Variants in COPA observed in about 807,000 individuals in gnomAD.
COPA encodes coat protein complex I subunit alpha, also known as coatomer subunit alpha.
A neutral mutation model predicts 158.7 loss-of-function variants in COPA; 10 were observed. That is an observed-to-expected ratio of 0.06 (90% CI 0.04 to 0.11). The LOEUF (loss-of-function observed/expected upper bound fraction) is 0.11. COPA is among the 10% of genes least tolerant of loss of function. The pLI is 1.00. For missense variants in COPA, 1,065 were observed against 1,536.7 expected, an observed-to-expected ratio of 0.69 and a Z score of 5.13; for synonymous variants, 462 against 542.8, an observed-to-expected ratio of 0.85 and a Z score of 2.07.
intron 13 of COPA, among the ~76,000 whole-genome samples, chr1:160,308,459 T>G (rs891781329): frequency 1.3e-5 from 2 of 152,186 alleles, no homozygotes; most frequent in African/African-American, 2.4e-5. Context: ...AGAGTGGGGA[T>G]CTGCAGAATA....
intron 6 of COPA, chr1:160,326,025 AC>A (rs1659479929): frequency 5.7e-6 from 1 of 175,054 alleles, no homozygotes; most frequent in Non-Finnish European, 1.2e-5. Flanking sequence ...CAAATGGTAA[AC>A]ATTCAATTTC....
rs193169385 is a variant in COPA at position 160,303,000 on chromosome 1, C to G, written c.1667+2433G>C. ...CCAGCCTGGCCAATATGGTGAAACC[C>G]CATCTCTACTCAAAATACAAGTATT... is the stretch of plus-strand genomic sequence containing the variant. On this transcript the variant is annotated intron_variant, in intron 17 of 32. Transcript: ENST00000241704. Among the ~76,000 whole-genome samples, 25 of 152,152 alleles carry G rather than the reference C, an allele frequency of 1.6e-4. 1 individual carries two copies. The East Asian group carries it at 4.5e-3, about 27-fold the overall frequency.
chr1:160,318,492 CAAAAAAAAAAAA>C (rs1184111001), intron 8 of COPA, among the ~76,000 whole-genome samples: 2 of 58,080 alleles, frequency 3.4e-5, no homozygotes, highest in Admixed American at 2.2e-4. Flanking sequence ...AAAAAAAAAA[CAAAAAAAAAAAA>C]AAAACACTAA....
rs1390435268 is a variant in COPA at position 160,332,515 on chromosome 1, G to T, written c.429C>A (p.Phe143Leu). The T allele has an allele frequency of 1.9e-6, 3 of 1,613,440 alleles. No individual in the cohort carries two copies. The highest frequency in any genetic ancestry group is 2.5e-6 in the Non-Finnish European group (3 of 1,179,886). ...ATACTACCAAGTCTTCTGTGGGGTG[G>T]AACTGAGCACACATCACATAATGGT... ...GHNHYVMCAQ[F>L]HPTEDLVVSA... Residue 143 changes from phenylalanine (F) to leucine (L), a missense_variant, in exon 6 of 33, where the codon TTC (phenylalanine) becomes TTA (leucine). Transcript: ENST00000241704.
chr1:160,290,869 C>A (rs1658207265), intron 31 of COPA, among the ~76,000 whole-genome samples, 183 bp from the exon 32 acceptor site: 1 of 152,238 alleles, frequency 6.6e-6, no homozygotes, highest in Non-Finnish European at 1.5e-5. Context: ...TTGTATCAAA[C>A]TTTCCCCTTC....
chr1:160,312,110 G>GT, intron 10 of COPA, 92 bp from the exon 11 acceptor site: 1 of 1,331,790 alleles, frequency 7.5e-7, no homozygotes, highest in Non-Finnish European at 1.0e-6. Flanking sequence ...GATTATATCT[G>GT]TAAGACAAGA....
chr1:160,340,077 C>T, intron 2 of COPA, 95 bp from the exon 3 acceptor site: 1 of 1,512,206 alleles, frequency 6.6e-7, no homozygotes, highest in Non-Finnish European at 9.2e-7. Flanking sequence ...CTATCATTTC[C>T]ACATTCTTTA....
At chr1:160,336,911 T>C (rs1159883360) in intron 3 of COPA, among the ~76,000 whole-genome samples, 1 of 120,750 alleles carries the variant, frequency 8.3e-6, no homozygotes, top group African/African-American at 2.6e-5. Flanking sequence ...TGCTCAACAC[T>C]ATACCCTTAC....
chr1:160,313,649 C>T (rs564369206), intron 9 of COPA, among the ~76,000 whole-genome samples: 5 of 152,140 alleles, frequency 3.3e-5, no homozygotes, highest in African/African-American at 1.2e-4. Context: ...CTCCTGACCT[C>T]GTGATCCACC....
chr1:160,296,728 T>C (rs151254151), intron 21 of COPA, among the ~76,000 whole-genome samples: 19 of 152,358 alleles, frequency 1.2e-4, no homozygotes, highest in Middle Eastern at 3.4e-3. Context: ...AGAGAACTAA[T>C]ATAGCTGCTT....
At chr1:160,320,485 T>C (rs1386762511) in intron 8 of COPA, among the ~76,000 whole-genome samples, 2 of 151,568 alleles carry the variant, frequency 1.3e-5, no homozygotes, top group Non-Finnish European at 2.9e-5. Flanking sequence ...TGGCACAGCC[T>C]GTAGTCCCAG....
intron 23 of COPA, among the ~76,000 whole-genome samples, chr1:160,295,282 C>T (rs763599763): frequency 1.2e-4 from 19 of 152,036 alleles, no homozygotes; most frequent in Admixed American, 7.2e-4. Flanking sequence ...CTCTTACTCA[C>T]GGGAAATGAA....
At chr1:160,310,795 G>C (rs746610012) in intron 11 of COPA, among the ~76,000 whole-genome samples, 10 of 152,138 alleles carry the variant, frequency 6.6e-5, no homozygotes, top group Non-Finnish European at 1.2e-4. Flanking sequence ...AGAGGTTATT[G>C]TATCTTCAGA....
Position 160,291,918 on chromosome 1 carries a change from G to C in COPA, c.3159C>G (p.Leu1053=), listed in dbSNP as rs2101820522. The change falls in exon 30 of 33, where the codon CTC becomes CTG. Residue 1053 remains leucine, a synonymous_variant. Coordinates refer to ENST00000241704, the MANE Select transcript of COPA (RefSeq NM_004371.4). ...CAATGTACTCACGGCAAATGGTGAT[G>C]AGCTGCTGGGCCTGTAGAGGGGGCA... ...NKQEIAEAQQ[L]ITICREYIVG... 6.2e-7 allele frequency: 1 copy of C among 1,614,172 alleles called. No homozygotes were observed. Among genetic ancestry groups the C allele is most frequent in the South Asian group, 1.1e-5 (1 of 91,080 alleles).
chr1:160,293,868 C>T (rs1343582197), intron 25 of COPA, among the ~76,000 whole-genome samples: 1 of 152,112 alleles, frequency 6.6e-6, no homozygotes, highest in Admixed American at 6.5e-5. Context: ...TTACATTGTT[C>T]CCTGCCCCCA....
Position 160,296,044 on chromosome 1 carries a change from T to C in COPA, c.2352+17A>G, listed in dbSNP as rs954755789. ...TTAATCCTGTAATAAGAGACAATTATGTAAATAAAGACTCACTGTCTCCTT... is the reference window on the plus strand; with the variant it reads ...TTAATCCTGTAATAAGAGACAATTACGTAAATAAAGACTCACTGTCTCCTT... On this transcript the variant is annotated intron_variant, in intron 22 of 32. Coordinates refer to ENST00000241704, the MANE Select transcript of COPA (RefSeq NM_004371.4). 6.2e-7 allele frequency: 1 copy of C among 1,608,520 alleles called. No homozygotes were observed. The highest frequency in any genetic ancestry group is 8.5e-7 in the Non-Finnish European group (1 of 1,174,958).
intron 9 of COPA, among the ~76,000 whole-genome samples, chr1:160,313,605 G>A (rs1209017181): frequency 6.6e-6 from 1 of 151,948 alleles, no homozygotes; most frequent in African/African-American, 2.4e-5. Flanking sequence ...TAGTAGAGAC[G>A]GGGTTTCATT....
intron 30 of COPA, 78 bp from the exon 31 acceptor site, chr1:160,291,574 A>C: frequency 6.6e-7 from 1 of 1,516,356 alleles, no homozygotes; most frequent in Middle Eastern, 1.8e-4. Flanking sequence ...CTACACATGC[A>C]TAAAAAACAC....
At position 160,292,327 on chromosome 1, in the gene COPA, AG is replaced by A. The variant is rs1000108292; in HGVS notation, c.2961-130del. ...TAAAGTAGCTGGGGAAGAGGATGAC[AG>A]CAGGTGTAAACCAACCCCATAGAGT... On this transcript the variant is annotated intron_variant, in intron 28 of 32. Transcript: ENST00000241704. 13 of 1,552,094 alleles carry A rather than the reference AG, an allele frequency of 8.4e-6. No individual in the cohort carries two copies. In the African/African-American group the frequency reaches 1.8e-4, roughly 22 times the overall value.
Sources: gnomAD v4.1 joint callset for allele counts (sites outside exome capture counted in the v4.1 genomes callset) on GRCh38, gnomAD v4.1.1 for gene constraint, MANE v1.5 for transcripts, NCBI Gene and HGNC (gene_info 2026-07-23, HGNC 2026-07-21) for gene names.